PARD3: variants seen among roughly 807,000 people sequenced by gnomAD.
PARD3 encodes the protein partitioning defective 3 homolog.
PARD3 carries 75 observed loss-of-function variants against 155.4 expected under a neutral mutation model. That is an observed-to-expected ratio of 0.48 (90% confidence interval 0.40 to 0.58). The LOEUF is 0.58. Ranked by LOEUF, PARD3 falls within the 20% of genes least tolerant of loss-of-function variation. The pLI, the probability that PARD3 is intolerant of heterozygous loss-of-function variation, is 0.00. For missense variants in PARD3, 1,642 were observed against 1,721.7 expected, an observed-to-expected ratio of 0.95 and a Z score of 0.82; for synonymous variants, 576 against 610.5, an observed-to-expected ratio of 0.94 and a Z score of 0.83.
At chr10:34,144,625 A>G (rs1948366121) in intron 22 of PARD3, among the ~76,000 whole-genome samples, 1 of 152,202 alleles carries the variant, frequency 6.6e-6, no homozygotes, top group Non-Finnish European at 1.5e-5. Context: ...TTATATCACT[A>G]TCTCCTGATT....
intron 22 of PARD3, among the ~76,000 whole-genome samples, chr10:34,169,550 T>C (rs1304334748): frequency 6.6e-6 from 1 of 152,058 alleles, no homozygotes; most frequent in African/African-American, 2.4e-5. Flanking sequence ...TCCTCACTAC[T>C]AGGGACCAAA....
rs563352170 is a variant in PARD3, at chr10:34,325,958, T to TA, written c.2833+5158dup. 4.0e-3 allele frequency among the ~76,000 whole-genome samples: 608 copies of TA among 151,952 alleles called. 2 individuals carry two copies. The highest frequency in any genetic ancestry group is 7.2e-3 in the Non-Finnish European group (486 of 67,938). On this transcript the variant is annotated intron_variant, in intron 19 of 24. Transcript: ENST00000374788. Reference sequence around the variant, plus strand: ...CAACATGGTGAAACCCCGTCTCTACTAAAAATACAAAAATCACTTGGGCAT... The same window carrying TA: ...CAACATGGTGAAACCCCGTCTCTACTAAAAAATACAAAAATCACTTGGGCAT...
chr10:34,260,412 T>C (rs1023663742), intron 22 of PARD3, among the ~76,000 whole-genome samples: 1 of 152,208 alleles, frequency 6.6e-6, no homozygotes, highest in Non-Finnish European at 1.5e-5. Context: ...GGCTGGGATC[T>C]GGAAGACTGT....
intron 4 of PARD3, among the ~76,000 whole-genome samples, chr10:34,461,027 G>A (rs755872325): frequency 6.6e-6 from 1 of 152,014 alleles, no homozygotes; most frequent in African/African-American, 2.4e-5. Flanking sequence ...TTGGCTTATA[G>A]GTAAAATAGA....
At chr10:34,227,312 T>C (rs1365717784) in intron 22 of PARD3, among the ~76,000 whole-genome samples, 1 of 152,160 alleles carries the variant, frequency 6.6e-6, no homozygotes, top group Non-Finnish European at 1.5e-5. Context: ...AAAACCAGAA[T>C]GATCTCCACA....
At chr10:34,443,999 G>T (rs890479969) in intron 5 of PARD3, among the ~76,000 whole-genome samples, 1 of 140,924 alleles carries the variant, frequency 7.1e-6, no homozygotes, top group African/African-American at 3.0e-5. Context: ...AAACATTTAA[G>T]TCAGTTTTCC....
Position 34,227,856 on chromosome 10 carries a change from TTATATATATA to T in PARD3, c.3419+41791_3419+41800del, listed in dbSNP as rs55681930. Reference sequence around the variant, plus strand: ...TATTCCCAGTAATGGGAATTATTTTTTATATATATATATATATATATATATATACTGGGAA... The same window carrying T: ...TATTCCCAGTAATGGGAATTATTTTTTATATATATATATATATACTGGGAA... On this transcript the variant is annotated intron_variant, in intron 22 of 24. Transcript: ENST00000374788. Among the ~76,000 whole-genome samples the T allele has an allele frequency of 2.3e-4, 19 of 82,242 alleles. 1 individual carries two copies. The highest frequency in any genetic ancestry group is 1.1e-3 in the Admixed American group (9 of 8,482). 54.0% of individuals were successfully genotyped at this position (82,242 alleles called of 152,430 possible). A position where few individuals can be genotyped will look rare whatever the true frequency, so the allele number is the denominator to read the frequency against.
At chr10:34,413,137 A>C (rs1228425097) in intron 5 of PARD3, among the ~76,000 whole-genome samples, 1 of 82,836 alleles carries the variant, frequency 1.2e-5, no homozygotes, top group Non-Finnish European at 2.3e-5. Context: ...AGTACTTCAG[A>C]TATATATACA....
chr10:34,473,554 G>T (rs983257592), intron 3 of PARD3, among the ~76,000 whole-genome samples: 1 of 152,036 alleles, frequency 6.6e-6, no homozygotes, highest in African/African-American at 2.4e-5. Context: ...ATAGACAACT[G>T]TGGTAGCACT....
intron 16 of PARD3, 80 bp from the exon 17 acceptor site, chr10:34,337,506 G>T (rs1836318178): frequency 1.3e-6 from 1 of 770,016 alleles, no homozygotes; most frequent in Non-Finnish European, 1.9e-6. Context: ...ATACATACCT[G>T]CAAGTGTAAA....
intron 2 of PARD3, among the ~76,000 whole-genome samples, chr10:34,645,197 TTTTGA>T (rs545942148): frequency 0.019 from 2,581 of 133,086 alleles, 71 homozygotes; most frequent in African/African-American, 0.083. Flanking sequence ...TTTTATTTTA[TTTTGA>T]TTTATTTTAT....
At chr10:34,605,405 G>A (rs1236078571) in intron 2 of PARD3, among the ~76,000 whole-genome samples, 7 of 148,042 alleles carry the variant, frequency 4.7e-5, no homozygotes, top group Non-Finnish European at 7.4e-5. Context: ...ATGTTAGCCA[G>A]GATGGTCTCG....
rs919567087 is a variant in PARD3 at position 34,169,701 on chromosome 10, T to C, written c.3420-38118A>G. Reference sequence around the variant, plus strand: ...TCTGTGAAAGTCTTTAAAACTGGGATACAGTTTCAACAACCTAAAGAATGG... The same window carrying C: ...TCTGTGAAAGTCTTTAAAACTGGGACACAGTTTCAACAACCTAAAGAATGG... On this transcript the variant is annotated intron_variant, in intron 22 of 24. Coordinates refer to ENST00000374788, the MANE Select transcript of PARD3 (RefSeq NM_001184785.2). 2.0e-5 allele frequency among the ~76,000 whole-genome samples: 3 copies of C among 152,202 alleles called. No homozygotes were observed. In the South Asian group the frequency reaches 6.2e-4, roughly 32 times the overall value.
At chr10:34,268,439 A>G (rs1312349413) in intron 22 of PARD3, among the ~76,000 whole-genome samples, 1 of 130,468 alleles carries the variant, frequency 7.7e-6, no homozygotes, top group Non-Finnish European at 1.6e-5. Context: ...GTATATACCC[A>G]AAGGACTATA....
chr10:34,229,358 T>G (rs1285923661), intron 22 of PARD3, among the ~76,000 whole-genome samples: 1 of 152,076 alleles, frequency 6.6e-6, no homozygotes, highest in Non-Finnish European at 1.5e-5. Context: ...AAGCTGGGAC[T>G]ACAGGTGTGT....
intron 20 of PARD3, among the ~76,000 whole-genome samples, chr10:34,290,616 T>C (rs1480161491): frequency 6.6e-6 from 1 of 152,212 alleles, no homozygotes; most frequent in Non-Finnish European, 1.5e-5. Flanking sequence ...ACTAGTTCAG[T>C]ATTCTGCCTT....
At chr10:34,218,486 C>T (rs1952117152) in intron 22 of PARD3, among the ~76,000 whole-genome samples, 1 of 152,170 alleles carries the variant, frequency 6.6e-6, no homozygotes, top group South Asian at 2.1e-4. Flanking sequence ...CGTCCCCACC[C>T]AACCCTCCAC....
intron 2 of PARD3, among the ~76,000 whole-genome samples, chr10:34,675,099 T>A (rs886541942): frequency 2.6e-5 from 4 of 152,200 alleles, no homozygotes; most frequent in African/African-American, 9.7e-5. Context: ...TTATTTTGAG[T>A]TGTGTCTTCT....
intron 2 of PARD3, among the ~76,000 whole-genome samples, chr10:34,693,528 C>T (rs1404599910): frequency 1.3e-5 from 2 of 152,082 alleles, no homozygotes; most frequent in African/African-American, 2.4e-5. Flanking sequence ...CATGATCTCA[C>T]GTGGACATAA....
Sources: gnomAD v4.1 joint callset for allele counts (sites outside exome capture counted in the v4.1 genomes callset) on GRCh38, gnomAD v4.1.1 for gene constraint, MANE v1.5 for transcripts, NCBI Gene and HGNC (gene_info 2026-07-23, HGNC 2026-07-21) for gene names.